DMD: variants seen among roughly 807,000 people sequenced by gnomAD.
DMD encodes the protein mutant dystrophin.
Under a neutral mutation model 330.1 loss-of-function variants are expected in DMD, and 63 were observed. The ratio of observed to expected loss-of-function variants is 0.19; its 90% CI spans 0.16 to 0.24. DMD has a LOEUF of 0.24. Among genes scored for constraint, DMD ranks in the 10% least tolerant of loss-of-function variants. The pLI is 1.00. For missense variants in DMD, 3,344 were observed against 2,684.1 expected (o/e 1.25, Z -5.43); for synonymous variants, 1,223 against 959.8 (o/e 1.27, Z -5.07).
At chrX:32,167,257 G>A (rs1256771481) in intron 44 of DMD, among the ~76,000 whole-genome samples, 3 of 112,420 alleles carry the variant, frequency 2.7e-5, no homozygotes, top group Non-Finnish European at 3.8e-5. Context: ...AACTCTGCAC[G>A]TTGTAAGTAA....
intron 49 of DMD, among the ~76,000 whole-genome samples, chrX:31,825,686 T>A (rs1170784684): frequency 8.9e-6 from 1 of 111,979 alleles, no homozygotes; most frequent in East Asian, 2.8e-4. Context: ...ATGTTCCTCA[T>A]ATAACACTGT....
At chrX:33,177,626 T>C (rs1223907123) in intron 1 of DMD, among the ~76,000 whole-genome samples, 1 of 111,119 alleles carries the variant, frequency 9.0e-6, no homozygotes, top group Non-Finnish European at 1.9e-5. Context: ...CCTCAAATGA[T>C]CCACCCGCCT....
At chrX:31,399,139 C>T (rs907465298) in intron 60 of DMD, among the ~76,000 whole-genome samples, 2 of 110,479 alleles carry the variant, frequency 1.8e-5, no homozygotes, top group Admixed American at 9.6e-5. Flanking sequence ...AAGTTCTTGT[C>T]CAGCATCCAG....
At chrX:31,147,603 A>T in intron 74 of DMD, 85 bp from the exon 75 acceptor site, 1 of 740,306 alleles carries the variant, frequency 1.4e-6, no homozygotes, top group Non-Finnish European at 2.0e-6. Flanking sequence ...TCATCACCAA[A>T]TTTTATATAC....
At chrX:32,780,674 G>A (rs2074631301) in intron 7 of DMD, among the ~76,000 whole-genome samples, 1 of 110,961 alleles carries the variant, frequency 9.0e-6, no homozygotes, top group Non-Finnish European at 1.9e-5. Context: ...TTAATTCCTT[G>A]GATTAATCAG....
At chrX:31,879,166 T>A (rs1046760834) in intron 47 of DMD, among the ~76,000 whole-genome samples, 18 of 101,970 alleles carry the variant, frequency 1.8e-4, no homozygotes, top group Admixed American at 1.7e-3. Context: ...GACTGGGTGA[T>A]TTATAAAGGA....
At chrX:32,809,310 G>C (rs2077174255) in intron 7 of DMD, among the ~76,000 whole-genome samples, 183 bp downstream of exon 7, 1 of 111,794 alleles carries the variant, frequency 8.9e-6, no homozygotes, top group Non-Finnish European at 1.9e-5. Context: ...GGTATTTTGA[G>C]AACTAGAATT....
rs1557326842 is a variant in DMD at position 32,394,921 on chromosome X, A to ACAAAAAAAAAAAAAC, written c.4234-4741_4234-4740insGTTTTTTTTTTTTTG. Among the ~76,000 whole-genome samples, 95 of 63,705 alleles carry ACAAAAAAAAAAAAAC rather than the reference A, an allele frequency of 1.5e-3. 1 individual carries two copies. The highest frequency in any genetic ancestry group is 4.5e-3 in the African/African-American group (82 of 18,303). 55.3% of individuals were successfully genotyped at this position (63,705 alleles called of 115,157 possible). On this transcript the variant is annotated intron_variant, in intron 30 of 78. Transcript: ENST00000357033. ...AAGAGCAAAAAACAAAAAAACAAAA[A>ACAAAAAAAAAAAAAC]AAAAAAAAAAAAGAAAAGAAATCAT...
intron 43 of DMD, among the ~76,000 whole-genome samples, chrX:32,274,307 A>C (rs1200496557): frequency 8.9e-6 from 1 of 112,164 alleles, no homozygotes; most frequent in Admixed American, 9.5e-5. Flanking sequence ...AAAAATGTTC[A>C]ATTACTTTGA....
chrX:32,608,089 T>A (rs1479826595), intron 12 of DMD, among the ~76,000 whole-genome samples: 1 of 110,212 alleles, frequency 9.1e-6, no homozygotes, highest in African/African-American at 3.3e-5. Context: ...GCTGTGACAT[T>A]CTAAGTAATG....
rs1448639542 is a variant in DMD at position 32,448,623 on chromosome X, C to T, written c.3619G>A (p.Ala1207Thr). 3 of 1,203,969 alleles carry T rather than the reference C, an allele frequency of 2.5e-6. No individual in the cohort carries two copies. The highest frequency in any genetic ancestry group is 2.2e-6 in the Non-Finnish European group (2 of 891,761). The change falls in exon 27 of 79, where the codon GCC becomes ACC. Residue 1207 changes from alanine to threonine, a missense_variant. Ala to Thr is a moderately conservative substitution (Grantham distance 58). Coordinates refer to ENST00000357033, the MANE Select transcript of DMD (RefSeq NM_004006.3). Reference protein sequence around the residue: ...VEEMKRAKEEAQQKEAKVKLL... With the variant: ...VEEMKRAKEETQQKEAKVKLL... ...TTCACTTTCGCTTCTTTTTGTTGGG[C>T]CTCTTCTTTAGCTCTCTGAAAAATA...
chrX:32,699,562 T>G (rs746419029), intron 7 of DMD, among the ~76,000 whole-genome samples: 68 of 111,779 alleles, frequency 6.1e-4, no homozygotes, highest in Non-Finnish European at 9.6e-4. Context: ...TAAGTCAAAT[T>G]GCCAAACTAG....
rs183130248 is a variant in DMD, at chrX:32,755,371, T to A, written c.649+54122A>T. On this transcript the variant is annotated intron_variant, in intron 7 of 78. Transcript: ENST00000357033. The stretch of plus-strand genomic sequence containing the variant: ...AAAATCTTAAAGGAAGATACGGAAG[T>A]GAGCACACAATCCTTCTGAAGTTAA... 4.2e-3 allele frequency among the ~76,000 whole-genome samples: 462 copies of A among 111,185 alleles called. 5 individuals carry two copies. The highest frequency in any genetic ancestry group is 0.028 in the Admixed American group (288 of 10,370).
chrX:31,834,838 G>C (rs1447294365), intron 49 of DMD, among the ~76,000 whole-genome samples: 1 of 109,586 alleles, frequency 9.1e-6, no homozygotes, highest in Non-Finnish European at 1.9e-5. Context: ...GTCAAATTGA[G>C]AGAAAATAGG....
At chrX:31,837,144 G>A (rs1258347126) in intron 48 of DMD, among the ~76,000 whole-genome samples, 2 of 111,904 alleles carry the variant, frequency 1.8e-5, no homozygotes, top group African/African-American at 6.5e-5. Flanking sequence ...ACTAGTTTTA[G>A]CTACAATAAT....
At chrX:33,030,794 A>G (rs66873920) in intron 1 of DMD, among the ~76,000 whole-genome samples, 6,044 of 111,471 alleles carry the variant, frequency 0.054, 247 homozygotes, top group South Asian at 0.16. Flanking sequence ...TTAAAAAAAT[A>G]CATTGTTCTG....
chrX:32,720,807 G>A (rs190897740), intron 7 of DMD, among the ~76,000 whole-genome samples: 1 of 111,254 alleles, frequency 9.0e-6, no homozygotes, highest in Admixed American at 9.6e-5. Flanking sequence ...AGGGTTAGCT[G>A]TATATCGAAA....
At chrX:32,697,050 A>G (rs2063710735) in intron 9 of DMD, among the ~76,000 whole-genome samples, 1 of 112,096 alleles carries the variant, frequency 8.9e-6, no homozygotes, top group South Asian at 3.7e-4. Context: ...ACTCCCATTC[A>G]TAGTGTAGTT....
At chrX:31,275,155 TTGTGTG>T (rs59068818) in intron 62 of DMD, among the ~76,000 whole-genome samples, 4,663 of 96,287 alleles carry the variant, frequency 0.048, 136 homozygotes, top group African/African-American at 0.097. Flanking sequence ...AAATCAGGTT[TTGTGTG>T]TGTGTGTGTG....
Sources: allele counts gnomAD v4.1 joint callset (sites outside exome capture counted in the v4.1 genomes callset), GRCh38; gene constraint gnomAD v4.1.1; transcripts MANE v1.5; gene names NCBI Gene and HGNC (gene_info 2026-07-23, HGNC 2026-07-21).